Variants in EMC2 observed in about 807,000 individuals in gnomAD.
EMC2 encodes ER membrane protein complex subunit 2, also known as TPR repeat protein 35.
Under a neutral mutation model 51.6 loss-of-function variants are expected in EMC2, and 37 were observed. The ratio of observed to expected loss-of-function variants is 0.72; its 90% CI spans 0.55 to 0.94. The LOEUF (loss-of-function observed/expected upper bound fraction) is 0.94. Among genes scored for constraint, EMC2 ranks in the 40% least tolerant of loss-of-function variants. The pLI is 0.00. For synonymous variants in EMC2, 131 were observed against 112.4 expected (o/e 1.17, Z -1.04); for missense variants, 359 against 350.9 (o/e 1.02, Z -0.18).
At chr8:108,456,417 A>G (rs994058673) in intron 5 of EMC2, among the ~76,000 whole-genome samples, 3 of 151,554 alleles carry the variant, frequency 2.0e-5, no homozygotes, top group African/African-American at 7.3e-5. Flanking sequence ...TGGAAAGAGT[A>G]GACTATGTGT....
chr8:108,457,860 T>G (rs1474162254), intron 5 of EMC2, among the ~76,000 whole-genome samples: 1 of 152,192 alleles, frequency 6.6e-6, no homozygotes, highest in Non-Finnish European at 1.5e-5. Flanking sequence ...AAGTCTTAAC[T>G]CATTTCAACA....
intron 7 of EMC2, among the ~76,000 whole-genome samples, chr8:108,471,894 A>G (rs985729445): frequency 6.6e-6 from 1 of 151,968 alleles, no homozygotes; most frequent in Non-Finnish European, 1.5e-5. Flanking sequence ...ATTTACTTGC[A>G]CACCAGCATT....
At position 108,477,007 on chromosome 8, in the gene EMC2, T is replaced by C. The variant is rs142418921; in HGVS notation, c.702+115T>C. 5.5e-4 allele frequency: 315 copies of C among 567,972 alleles called. 1 individual carries two copies. Among genetic ancestry groups the C allele is most frequent in the African/African-American group, 5.3e-3 (273 of 51,976 alleles). The allele number at this position is 567,972 out of a possible 1,614,324, so 35.2% of individuals were successfully genotyped here. A position where few individuals can be genotyped will look rare whatever the true frequency, so the allele number is the denominator to read the frequency against. ...TTTTGTATTTTATTGATAAGCATGT[T>C]TTTTTCTGTAATTAATTCTGAGCAA... On this transcript the variant is annotated intron_variant, in intron 9 of 10. Coordinates refer to ENST00000220853, the MANE Select transcript of EMC2 (RefSeq NM_014673.5).
At chr8:108,467,349 A>T (rs1810746353) in intron 5 of EMC2, among the ~76,000 whole-genome samples, 1 of 149,898 alleles carries the variant, frequency 6.7e-6, no homozygotes, top group Non-Finnish European at 1.5e-5. Context: ...TTAAGACTTT[A>T]AGTGGCTTTT....
intron 5 of EMC2, among the ~76,000 whole-genome samples, chr8:108,465,796 A>T (rs1303672690): frequency 6.6e-6 from 1 of 152,204 alleles, no homozygotes; most frequent in African/African-American, 2.4e-5. Context: ...TAATTTGTTT[A>T]TTGAGCTGTG....
intron 5 of EMC2, among the ~76,000 whole-genome samples, chr8:108,460,065 A>G (rs1312848144): frequency 6.6e-6 from 1 of 152,090 alleles, no homozygotes; most frequent in Non-Finnish European, 1.5e-5. Context: ...ATAAGACTTC[A>G]CTGTGGTTTC....
intron 5 of EMC2, among the ~76,000 whole-genome samples, chr8:108,462,199 CAT>C (rs953050935): frequency 4.0e-5 from 6 of 149,250 alleles, no homozygotes; most frequent in Admixed American, 6.7e-5. Context: ...TGTTTGTGTG[CAT>C]GTGTGTGTGT....
chr8:108,449,939 AAGTT>A lies in EMC2; in HGVS notation c.154+4_154+7del. The A allele has an allele frequency of 7.2e-7, 1 of 1,394,472 alleles. No homozygotes were observed. The highest frequency in any genetic ancestry group is 1.0e-6 in the Non-Finnish European group (1 of 987,728). The allele number at this position is 1,394,472 out of a possible 1,614,324, so 86.4% of individuals were successfully genotyped here. On this transcript the variant is annotated splice_donor_5th_base_variant and intron_variant, in intron 2 of 10. Transcript: ENST00000220853. ...TGCTTCTAAGCTGGGAGATGATAGT[AAGTT>A]CTTTTATTACATTCAGGCTCAGTAC... is the stretch of plus-strand genomic sequence containing the variant.
intron 4 of EMC2, among the ~76,000 whole-genome samples, 200 bp from the exon 5 acceptor site, chr8:108,455,673 T>G (rs1819133450): frequency 6.6e-6 from 1 of 152,166 alleles, no homozygotes; most frequent in South Asian, 2.1e-4. Context: ...TTTGCTTTAC[T>G]TAACAAAATA....
chr8:108,444,845 C>A (rs1818839311), intron 1 of EMC2, among the ~76,000 whole-genome samples: 1 of 152,166 alleles, frequency 6.6e-6, no homozygotes. Context: ...AACACACAGT[C>A]CCCACTTCCA....
chr8:108,456,332 C>CAAA (rs869162246), intron 5 of EMC2, among the ~76,000 whole-genome samples: 349 of 23,110 alleles, frequency 0.015, 19 homozygotes, highest in African/African-American at 0.036. Flanking sequence ...GACTTCGTGT[C>CAAA]AAAAAAAAAA....
At chr8:108,450,989 G>A (rs1020167774) in intron 3 of EMC2, among the ~76,000 whole-genome samples, 4 of 152,128 alleles carry the variant, frequency 2.6e-5, no homozygotes, top group Non-Finnish European at 5.9e-5. Flanking sequence ...ACCACCTGAG[G>A]TCAGGAGTTC....
At chr8:108,470,004 A>T in intron 6 of EMC2, 58 bp from the exon 7 acceptor site, 1 of 1,548,450 alleles carries the variant, frequency 6.5e-7, no homozygotes, top group Non-Finnish European at 8.9e-7. Flanking sequence ...GTTTGTTTTC[A>T]TGCTGTTCAT....
At position 108,488,345 on chromosome 8, in the gene EMC2, A is replaced by T. The variant is rs1424194336; in HGVS notation, c.*1747A>T. Among the ~76,000 whole-genome samples the T allele has an allele frequency of 2.0e-5, 3 of 151,948 alleles. No homozygotes were observed. Among genetic ancestry groups the T allele is most frequent in the Admixed American group, 2.0e-4 (3 of 15,250 alleles). ...CTGGCTAATTTTGTATTTTTAGTAG[A>T]GATGGGGTTTCACCATGTTGGCCAG... is the stretch of plus-strand genomic sequence containing the variant. On this transcript the variant is annotated 3_prime_UTR_variant, in exon 11 of 11. Coordinates refer to ENST00000220853, the MANE Select transcript of EMC2 (RefSeq NM_014673.5).
At chr8:108,481,616 TATAAC>T (rs1224921965) in intron 10 of EMC2, among the ~76,000 whole-genome samples, 2 of 152,136 alleles carry the variant, frequency 1.3e-5, no homozygotes, top group Non-Finnish European at 2.9e-5. Flanking sequence ...AAATAAGAAT[TATAAC>T]AGAAAAAAGG....
rs1360085668 is a variant in EMC2, at chr8:108,487,834, A to G, written c.*1236A>G. 6.6e-6 allele frequency among the ~76,000 whole-genome samples: 1 copy of G among 151,440 alleles called. No individual in the cohort carries two copies. The highest frequency in any genetic ancestry group is 1.9e-4 in the East Asian group (1 of 5,192). On this transcript the variant is annotated 3_prime_UTR_variant, in exon 11 of 11. Transcript: ENST00000220853. ...TATCTAGTCTAATCTTTCATATTAC[A>G]GTCATTTTCGTTTTATTCTGCCACG...
chr8:108,445,568 C>T (rs939819456), intron 1 of EMC2, among the ~76,000 whole-genome samples: 3 of 151,884 alleles, frequency 2.0e-5, no homozygotes, highest in African/African-American at 7.3e-5. Context: ...CTCTACTACC[C>T]CCTTCCCTTT....
Position 108,479,087 on chromosome 8 carries a change from A to G in EMC2, c.784A>G (p.Ser262Gly), listed in dbSNP as rs1811000883. The change falls in exon 10 of 11, where the codon AGT becomes GGT. Residue 262 changes from serine (S) to glycine (G), a missense_variant. Transcript: ENST00000220853. ...CATGAAATATGCTAGTTGGGCAGCTAGTCAAATAAACAGAGCTTATCAGGT... is the reference window on the plus strand; with the variant it reads ...CATGAAATATGCTAGTTGGGCAGCTGGTCAAATAAACAGAGCTTATCAGGT... ...DNMKYASWAA[S>G]QINRAYQFAG... 2 of 1,578,788 alleles carry G rather than the reference A, an allele frequency of 1.3e-6. No homozygotes were observed. The highest frequency in any genetic ancestry group is 2.7e-5 in the African/African-American group (2 of 73,338).
At chr8:108,458,372 C>T (rs888077226) in intron 5 of EMC2, among the ~76,000 whole-genome samples, 2 of 152,228 alleles carry the variant, frequency 1.3e-5, no homozygotes, top group Non-Finnish European at 2.9e-5. Context: ...TCTGGCCCCA[C>T]ATTTCACTTC....
Sources: gnomAD v4.1 joint callset for allele counts (sites outside exome capture counted in the v4.1 genomes callset) on GRCh38, gnomAD v4.1.1 for gene constraint, MANE v1.5 for transcripts, NCBI Gene and HGNC (gene_info 2026-07-23, HGNC 2026-07-21) for gene names.